The following FAM170B variants were observed in gnomAD, a reference collection of about 807,000 sequenced individuals.
The protein encoded by FAM170B is protein FAM170B.
Under a neutral mutation model 3.9 loss-of-function variants are expected in FAM170B, and 4 were observed. The ratio of observed to expected loss-of-function variants is 1.01; its 90% CI spans 0.50 to 2.32. FAM170B has a LOEUF of 2.32. FAM170B is among the 30% of genes most tolerant of loss of function. The probability of loss-of-function intolerance (pLI) is 0.02; values close to 1 mark genes in which losing one functional copy is unlikely to be tolerated. For missense variants in FAM170B, 417 were observed against 368.6 expected (o/e 1.13, Z -1.07); for synonymous variants, 163 against 149.8 (o/e 1.09, Z -0.64).
chr10:49,133,725 A>C, intron 1 of FAM170B, 82 bp downstream of exon 1: 1 of 1,160,866 alleles, frequency 8.6e-7, no homozygotes, highest in Non-Finnish European at 1.3e-6. Flanking sequence ...TCAGGAGGCA[A>C]CCTGGCACTG....
At position 49,131,864 on chromosome 10, in the gene FAM170B, T is replaced by A. The variant is rs992670815; in HGVS notation, c.601A>T (p.Asn201Tyr). ...REPPDWLVTT[N>Y]YGVRCVACCR... Reference sequence around the variant, plus strand: ...CAGGCCACGCAGCGCACCCCGTAGTTGGTGGTGACCAGCCAGTCCGGCGGC... The same window carrying A: ...CAGGCCACGCAGCGCACCCCGTAGTAGGTGGTGACCAGCCAGTCCGGCGGC... The change falls in exon 2 of 2, where the codon AAC (asparagine) becomes TAC (tyrosine). Residue 201 changes from asparagine (N) to tyrosine (Y), a missense_variant. Asn to Tyr is a moderately radical substitution (Grantham distance 143). Coordinates refer to ENST00000311787, the MANE Select transcript of FAM170B (RefSeq NM_001164484.2). 1.0e-5 allele frequency: 16 copies of A among 1,546,222 alleles called. No individual in the cohort carries two copies. The highest frequency in any genetic ancestry group is 1.4e-5 in the Non-Finnish European group (16 of 1,146,866).
Position 49,132,268 on chromosome 10 carries a change from C to G in FAM170B, c.197G>C (p.Arg66Pro). The G allele has an allele frequency of 6.4e-7, 1 of 1,551,492 alleles. No homozygotes were observed. Among genetic ancestry groups the G allele is most frequent in the Non-Finnish European group, 8.7e-7 (1 of 1,147,002 alleles). Residue 66 changes from arginine to proline, a missense_variant, in exon 2 of 2, where the codon CGG (arginine) becomes CCG (proline). Physicochemically the swap from Arg to Pro is moderately radical, Grantham distance 103. Coordinates refer to ENST00000311787, the MANE Select transcript of FAM170B (RefSeq NM_001164484.2). ...EEGLYFAARD[R>P]GMRDWSSSPS... ...GGAGCTGCTCCAGTCCCGCATCCCC[C>G]GGTCCCTGGCAGCGAAGTAGAGGCC...
rs1278009570 is a variant in FAM170B, at chr10:49,133,879, G to A, written c.40C>T (p.Pro14Ser). ...AAGCTGAGGGTGGTCCCATCGGTGG[G>A]TGACTGTTCTCCCCTGTGATCTGTG... ...YFTDHRGEQS[P>S]TDGTTLSLTS... is the part of the protein sequence containing the mutation. The change falls in exon 1 of 2, where the codon CCC becomes TCC. Residue 14 changes from proline (P) to serine (S), a missense_variant. Physicochemically the swap from Pro to Ser is moderately conservative, Grantham distance 74. Transcript: ENST00000311787. 2 of 1,551,682 alleles carry A rather than the reference G, an allele frequency of 1.3e-6. No individual in the cohort carries two copies. The highest frequency in any genetic ancestry group is 2.0e-5 in the Admixed American group (1 of 50,996).
Position 49,131,842 on chromosome 10 carries a change from G to A in FAM170B, c.623C>T (p.Ala208Val), listed in dbSNP as rs1270661819. 1.3e-6 allele frequency: 2 copies of A among 1,546,672 alleles called. No individual in the cohort carries two copies. The highest frequency in any genetic ancestry group is 3.9e-5 in the Admixed American group (2 of 51,004). The change falls in exon 2 of 2, where the codon GCC becomes GTC. Residue 208 changes from alanine (A) to valine (V), a missense_variant. By Grantham distance (64) the Ala-to-Val change is moderately conservative. Transcript: ENST00000311787. Reference protein sequence around the residue: ...VTTNYGVRCVACCRVLPSLDA... With the variant: ...VTTNYGVRCVVCCRVLPSLDA... The stretch of plus-strand genomic sequence containing the variant: ...CAGGGAGGGCAAGACCCTGCAGCAG[G>A]CCACGCAGCGCACCCCGTAGTTGGT...
rs1590156182 is a variant in FAM170B, at chr10:49,131,654, G to T, written c.811C>A (p.Gln271Lys). ...PSDNSECSRP[Q>K]GEVLSAQQQE... The stretch of plus-strand genomic sequence containing the variant: ...TGCTGTGCTGAGAGCACCTCACCCT[G>T]GGGCCGGGAACATTCGCTGTTGTCT... The change falls in exon 2 of 2, where the codon CAG becomes AAG. Residue 271 changes from glutamine (Q) to lysine (K), a missense_variant. Transcript: ENST00000311787. 6.4e-7 allele frequency: 1 copy of T among 1,551,740 alleles called. No individual in the cohort carries two copies. Among genetic ancestry groups the T allele is most frequent in the East Asian group, 2.4e-5 (1 of 40,926 alleles).
Position 49,131,432 on chromosome 10 carries a change from C to G in FAM170B, c.*181G>C. ...AATGGACTCTGGTGGAGATGCTGTG[C>G]CTAGGGCAGGAAGGGGGTTCCTTCC... On this transcript the variant is annotated 3_prime_UTR_variant, in exon 2 of 2. Coordinates refer to ENST00000311787, the MANE Select transcript of FAM170B (RefSeq NM_001164484.2). 2.4e-6 allele frequency: 2 copies of G among 828,372 alleles called. No homozygotes were observed. Among genetic ancestry groups the G allele is most frequent in the Non-Finnish European group, 3.6e-6 (2 of 560,982 alleles). The allele number at this position is 828,372 out of a possible 1,614,324, so 51.3% of individuals were successfully genotyped here. A position where few individuals can be genotyped will look rare whatever the true frequency, so the allele number is the denominator to read the frequency against.
chr10:49,133,793 T>G lies in FAM170B; in HGVS notation c.112+14A>C. 1 of 1,550,644 alleles carries G rather than the reference T, an allele frequency of 6.4e-7. No homozygotes were observed. The highest frequency in any genetic ancestry group is 8.7e-7 in the Non-Finnish European group (1 of 1,146,182). ...CACAGCTGGCTGACCTTCCAGGCCT[T>G]TCTTTTCACCTACCTGGCCAGAACA... On this transcript the variant is annotated intron_variant, in intron 1 of 1. Coordinates refer to ENST00000311787, the MANE Select transcript of FAM170B (RefSeq NM_001164484.2).
At chr10:49,133,300 ACAACC>A (rs1258613722) in intron 1 of FAM170B, among the ~76,000 whole-genome samples, 3 of 152,156 alleles carry the variant, frequency 2.0e-5, no homozygotes, top group Non-Finnish European at 2.9e-5. Context: ...AATATTCAAA[ACAACC>A]CTAAGAAATT....
In FAM170B at chr10:49,132,405, A is replaced by G. The variant is rs938581524; in HGVS notation, c.113-53T>C. The G allele has an allele frequency of 5.5e-6, 8 of 1,461,578 alleles. No homozygotes were observed. The African/African-American group carries it at 1.1e-4, about 21-fold the overall frequency. 90.5% of individuals were successfully genotyped at this position (1,461,578 alleles called of 1,614,324 possible). On this transcript the variant is annotated intron_variant, in intron 1 of 1. Coordinates refer to ENST00000311787, the MANE Select transcript of FAM170B (RefSeq NM_001164484.2). Reference sequence around the variant, plus strand: ...GTGCCCTTTAAGGGATCAATGCCACATCTACCTTCAGGAGCCGCAGACTCT... The same window carrying G: ...GTGCCCTTTAAGGGATCAATGCCACGTCTACCTTCAGGAGCCGCAGACTCT...
In FAM170B at chr10:49,131,312, G is replaced by C. The variant is rs530535457; in HGVS notation, c.*301C>G. ...CAAGTGTGGACCTGCCTGATCCACC[G>C]GCAAAAATAGAAATCCCTCTGGCCA... On this transcript the variant is annotated 3_prime_UTR_variant, in exon 2 of 2. Coordinates refer to ENST00000311787, the MANE Select transcript of FAM170B (RefSeq NM_001164484.2). The C allele has an allele frequency of 1.5e-5, 5 of 344,578 alleles. No individual in the cohort carries two copies. The highest frequency in any genetic ancestry group is 4.4e-5 in the Admixed American group (1 of 22,960). 21.3% of individuals were successfully genotyped at this position (344,578 alleles called of 1,614,324 possible). A position where few individuals can be genotyped will look rare whatever the true frequency, so the allele number is the denominator to read the frequency against.
At chr10:49,133,229 T>A (rs1845209932) in intron 1 of FAM170B, among the ~76,000 whole-genome samples, 1 of 152,218 alleles carries the variant, frequency 6.6e-6, no homozygotes, top group Admixed American at 6.5e-5. Flanking sequence ...CGAGGGGGCA[T>A]CTCACTATCT....
Position 49,132,171 on chromosome 10 carries a change from C to T in FAM170B, c.294G>A (p.Glu98=). The part of the protein sequence containing the change: ...YQSCCSCMCD[E]DNAAPQSVCA... The stretch of plus-strand genomic sequence containing the variant: ...ACACACTCTGCGGAGCAGCATTGTC[C>T]TCATCGCACATGCAGGAGCAGCACG... Residue 98 remains glutamate (E), a synonymous_variant, in exon 2 of 2, where the codon GAG becomes GAA. Transcript: ENST00000311787. 3.2e-6 allele frequency: 5 copies of T among 1,551,816 alleles called. No individual in the cohort carries two copies. The highest frequency in any genetic ancestry group is 4.4e-6 in the Non-Finnish European group (5 of 1,147,012).
At chr10:49,133,739 C>G in intron 1 of FAM170B, 68 bp downstream of exon 1, 1 of 1,354,102 alleles carries the variant, frequency 7.4e-7, no homozygotes, top group Non-Finnish European at 1.0e-6. Flanking sequence ...GGCACTGTCC[C>G]TTCCCATCAG....
In FAM170B at chr10:49,132,215, A is replaced by T; in HGVS notation, c.250T>A (p.Ser84Thr). ...CAGCACGACTGGTACTGGGAGTAGG[A>T]CTGGTACTCGGAGGACTCTGAGGAT... ...SPSSESSEYQ[S>T]YSQYQSCCSC... Residue 84 changes from serine to threonine, a missense_variant, in exon 2 of 2, where the codon TCC becomes ACC. Transcript: ENST00000311787. 1 of 1,551,678 alleles carries T rather than the reference A, an allele frequency of 6.4e-7. No individual in the cohort carries two copies. Among genetic ancestry groups the T allele is most frequent in the East Asian group, 2.4e-5 (1 of 40,916 alleles).
At position 49,131,352 on chromosome 10, in the gene FAM170B, T is replaced by G. The variant is rs780227730; in HGVS notation, c.*261A>C. The stretch of plus-strand genomic sequence containing the variant: ...CCCTCTGGCCATGCGTTTGTGGGTT[T>G]CAGATGTTGTGCCTGCCATCAGAAA... On this transcript the variant is annotated 3_prime_UTR_variant, in exon 2 of 2. Coordinates refer to ENST00000311787, the MANE Select transcript of FAM170B (RefSeq NM_001164484.2). 4.5e-5 allele frequency: 20 copies of G among 441,566 alleles called. No individual in the cohort carries two copies. The highest frequency in any genetic ancestry group is 7.5e-5 in the Non-Finnish European group (19 of 252,592). The allele number at this position is 441,566 out of a possible 1,614,324, so 27.4% of individuals were successfully genotyped here. A position where few individuals can be genotyped will look rare whatever the true frequency, so the allele number is the denominator to read the frequency against.
Position 49,131,619 on chromosome 10 carries a change from C to T in FAM170B, c.846G>A (p.Lys282=). The change falls in exon 2 of 2, where the codon AAG becomes AAA. Residue 282 remains lysine (K), a synonymous_variant. Transcript: ENST00000311787. ...GEVLSAQQQE[K]Q ...TGGGTATCTCCCCTCTGGCTCACTGCTTCTCCTGCTGCTGTGCTGAGAGCA... is the reference window on the plus strand; with the variant it reads ...TGGGTATCTCCCCTCTGGCTCACTGTTTCTCCTGCTGCTGTGCTGAGAGCA... The T allele has an allele frequency of 1.3e-6, 2 of 1,550,306 alleles. No individual in the cohort carries two copies. The highest frequency in any genetic ancestry group is 1.7e-6 in the Non-Finnish European group (2 of 1,145,978).
At chr10:49,133,695 A>C in intron 1 of FAM170B, 112 bp downstream of exon 1, 2 of 791,502 alleles carry the variant, frequency 2.5e-6, no homozygotes, top group Non-Finnish European at 4.2e-6. Flanking sequence ...TATGGTCAAC[A>C]CAACCATTTG....
chr10:49,132,036 G>A lies in FAM170B; in HGVS notation c.429C>T (p.Phe143=), dbSNP rs991341722. ...AGCCGTTCCACCTCTGCCTCTTGAT[G>A]AACTGGGCTTCATGGATGCGGGGCT... ...TRKPRIHEAQ[F]IKRQRWNGSS... is the part of the protein sequence containing the mutation. Residue 143 remains phenylalanine (F), a synonymous_variant, in exon 2 of 2, where the codon TTC becomes TTT. Coordinates refer to ENST00000311787, the MANE Select transcript of FAM170B (RefSeq NM_001164484.2). The A allele has an allele frequency of 2.6e-6, 4 of 1,551,666 alleles. No homozygotes were observed. In the African/African-American group the frequency reaches 5.5e-5, roughly 21 times the overall value.
chr10:49,132,975 A>C (rs78662189), intron 1 of FAM170B, among the ~76,000 whole-genome samples: 1 of 152,186 alleles, frequency 6.6e-6, no homozygotes, highest in African/African-American at 2.4e-5. Context: ...GAGACTGGTC[A>C]TAATAAGGCA....
Sources: allele counts gnomAD v4.1 joint callset (sites outside exome capture counted in the v4.1 genomes callset), GRCh38; gene constraint gnomAD v4.1.1; transcripts MANE v1.5; gene names NCBI Gene and HGNC (gene_info 2026-07-23, HGNC 2026-07-21).